CXADR: variants seen among roughly 807,000 people sequenced by gnomAD.
CXADR encodes CXADR cell adhesion molecule, also known as coxsackievirus and adenovirus receptor.
Under a neutral mutation model 40.3 loss-of-function variants are expected in CXADR, and 20 were observed. The ratio of observed to expected loss-of-function variants is 0.50; its 90% CI spans 0.35 to 0.72. The LOEUF is 0.72. Ranked by LOEUF, CXADR falls within the 30% of genes least tolerant of loss-of-function variation. The pLI is 0.01. For synonymous variants in CXADR, 150 were observed against 161.3 expected (o/e 0.93, Z 0.53); for missense variants, 332 against 449.1 (o/e 0.74, Z 2.36).
At chr21:17,526,683 T>G (rs1175073068) in intron 1 of CXADR, among the ~76,000 whole-genome samples, 1 of 152,134 alleles carries the variant, frequency 6.6e-6, no homozygotes, top group Non-Finnish European at 1.5e-5. Context: ...CTTATTGGAG[T>G]TAACTTTTTC....
At chr21:17,602,121 C>T in the CXADR span, among the ~76,000 whole-genome samples, 1 of 151,148 alleles carries the variant, frequency 6.6e-6, no homozygotes, top group African/African-American at 2.4e-5. Flanking sequence ...TAGTATTTAA[C>T]ACTCTATTGG....
intron 3 of CXADR, among the ~76,000 whole-genome samples, chr21:17,557,014 A>G (rs769120210): frequency 2.6e-5 from 4 of 152,248 alleles, no homozygotes; most frequent in Non-Finnish European, 4.4e-5. Flanking sequence ...CAGTGTTCAC[A>G]TGAGTGTTCA....
chr21:17,571,649 C>T (rs1433011046), downstream of CXADR, among the ~76,000 whole-genome samples: 1 of 152,132 alleles, frequency 6.6e-6, no homozygotes, highest in African/African-American at 2.4e-5. Context: ...AAACTAAGCT[C>T]AGTTTTTCTG....
At chr21:17,531,036 A>ACG (rs2060667742) in intron 1 of CXADR, among the ~76,000 whole-genome samples, 2 of 152,256 alleles carry the variant, frequency 1.3e-5, no homozygotes, top group African/African-American at 4.8e-5. Flanking sequence ...GCAGTGGCTC[A>ACG]CGCCTGTAAT....
chr21:17,547,007 T>C lies in CXADR; in HGVS notation c.44-20T>C. The C allele has an allele frequency of 6.2e-7, 1 of 1,611,642 alleles. No individual in the cohort carries two copies. Among genetic ancestry groups the C allele is most frequent in the Non-Finnish European group, 8.5e-7 (1 of 1,179,620 alleles). ...CAGCGTATAGCAAATGCTTAGTCCC[T>C]TGTACATTTCTTTCTCTAGATTTCG... On this transcript the variant is annotated intron_variant, in intron 1 of 6. Transcript: ENST00000284878.
intron 1 of CXADR, among the ~76,000 whole-genome samples, chr21:17,532,804 A>G (rs776608339): frequency 1.4e-4 from 21 of 152,214 alleles, no homozygotes; most frequent in Admixed American, 8.5e-4. Flanking sequence ...TACATGTGTT[A>G]TTTAATTTCT....
intron 1 of CXADR, among the ~76,000 whole-genome samples, chr21:17,530,766 A>G (rs149912111): frequency 5.1e-4 from 77 of 152,074 alleles, no homozygotes; most frequent in African/African-American, 1.8e-3. Context: ...GTGAGCCGAG[A>G]TTGCACTGTT....
At chr21:17,613,517 C>T in the CXADR span, 1 of 152,334 alleles carries the variant, frequency 6.6e-6, no homozygotes, top group African/African-American at 2.4e-5. Context: ...CCTGGCCCCT[C>T]ACAGCAGGGC....
rs917389387 is a variant in CXADR, at chr21:17,567,389, C to T, written c.*1697C>T. ...CCTTATGTAAAATTACTTTTATACTCGTGTTAACATTTTCATCTGTGCCTT... is the reference window on the plus strand; with the variant it reads ...CCTTATGTAAAATTACTTTTATACTTGTGTTAACATTTTCATCTGTGCCTT... On this transcript the variant is annotated 3_prime_UTR_variant, in exon 7 of 7. Transcript: ENST00000284878. The T allele has an allele frequency of 6.4e-5, 63 of 984,588 alleles. No homozygotes were observed. In the African/African-American group the frequency reaches 9.6e-4, roughly 15 times the overall value. The allele number at this position is 984,588 out of a possible 1,614,324, so 61.0% of individuals were successfully genotyped here.
chr21:17,570,918 A>G (rs1183670503), downstream of CXADR, among the ~76,000 whole-genome samples: 1 of 152,188 alleles, frequency 6.6e-6, no homozygotes, highest in Admixed American at 6.5e-5. Flanking sequence ...TTTGGGCTGG[A>G]TAATTCTTTG....
rs6147430 is a variant in CXADR at position 17,565,282 on chromosome 21, GACACACACACACACACACAC to G, written c.834-133_834-114del. On this transcript the variant is annotated intron_variant, in intron 6 of 6. Transcript: ENST00000284878. The stretch of plus-strand genomic sequence containing the variant: ...TGGCTTGTGCTTTTTGCTTTTTTGT[GACACACACACACACACACAC>G]ACACACACACACTTTTATATGTTTA... 6 of 805,070 alleles carry G rather than the reference GACACACACACACACACACAC, an allele frequency of 7.5e-6. No homozygotes were observed. In the East Asian group the frequency reaches 1.1e-4, roughly 15 times the overall value. The allele number at this position is 805,070 out of a possible 1,614,324, so 49.9% of individuals were successfully genotyped here.
intron 7 of CXADR, among the ~76,000 whole-genome samples, chr21:17,575,161 CT>C (rs2061311656): frequency 6.6e-6 from 1 of 151,432 alleles, no homozygotes; most frequent in Admixed American, 6.6e-5. Context: ...GTTGGGAAGG[CT>C]TTTCTGTTTT....
rs2061239260 is a variant in CXADR, at chr21:17,568,287, C to T, written c.*2595C>T. On this transcript the variant is annotated 3_prime_UTR_variant, in exon 7 of 7. Transcript: ENST00000284878. The stretch of plus-strand genomic sequence containing the variant: ...GGGACTACAGGCTCCCATCACCACG[C>T]TCGGCTAAGTTTTTGTAATTTTAGT... 3.8e-6 allele frequency: 3 copies of T among 793,786 alleles called. No homozygotes were observed. Among genetic ancestry groups the T allele is most frequent in the Non-Finnish European group, 4.6e-6 (3 of 655,790 alleles). The allele number at this position is 793,786 out of a possible 1,614,324, so 49.2% of individuals were successfully genotyped here. A position where few individuals can be genotyped will look rare whatever the true frequency, so the allele number is the denominator to read the frequency against.
At chr21:17,608,934 G>A in the CXADR span, 1 of 1,586,936 alleles carries the variant, frequency 6.3e-7, no homozygotes. Flanking sequence ...CACCTCAGGG[G>A]TTGATCAGCC....
the CXADR span, among the ~76,000 whole-genome samples, chr21:17,603,963 C>T: frequency 6.6e-6 from 1 of 152,312 alleles, no homozygotes; most frequent in African/African-American, 2.4e-5. Context: ...CAGAATGTTG[C>T]TTTCGTTTTT....
intron 1 of CXADR, chr21:17,530,396 G>A: frequency 2.2e-6 from 1 of 455,766 alleles, no homozygotes; most frequent in Non-Finnish European, 4.4e-6. Context: ...GATTATTCAT[G>A]TTGTGTAGCT....
chr21:17,622,275 C>T, the CXADR span, among the ~76,000 whole-genome samples: 1 of 152,104 alleles, frequency 6.6e-6, no homozygotes, highest in Non-Finnish European at 1.5e-5. Flanking sequence ...AGCTTGTTCC[C>T]ACCCCACCCC....
At chr21:17,551,419 G>A (rs2060966490) in intron 2 of CXADR, among the ~76,000 whole-genome samples, 1 of 152,038 alleles carries the variant, frequency 6.6e-6, no homozygotes, top group South Asian at 2.1e-4. Flanking sequence ...GAAAAGAAAA[G>A]ACAACGAACA....
At position 17,577,612 on chromosome 21, in the gene CXADR, C is replaced by CTTTTTTTTT. The variant is rs532541050; in HGVS notation, c.1017+12021_1017+12029dup. On this transcript the variant is annotated intron_variant, in intron 7 of 7. Coordinates refer to the CXADR transcript ENST00000400169. ...CTCACACGTCAGACCATTCTGCAAGCTTTTTTTTTTTTTTTTTTTTTTTTT... is the reference window on the plus strand; with the variant it reads ...CTCACACGTCAGACCATTCTGCAAGCTTTTTTTTTTTTTTTTTTTTTTTTTTTTTTTTTT... Among the ~76,000 whole-genome samples the CTTTTTTTTT allele has an allele frequency of 4.1e-3, 149 of 36,576 alleles. 21 individuals are homozygous for CTTTTTTTTT. The highest frequency in any genetic ancestry group is 0.011 in the African/African-American group (132 of 11,876). 24.0% of individuals were successfully genotyped at this position (36,576 alleles called of 152,430 possible). A position where few individuals can be genotyped will look rare whatever the true frequency, so the allele number is the denominator to read the frequency against.
Sources: allele counts gnomAD v4.1 joint callset (sites outside exome capture counted in the v4.1 genomes callset), GRCh38; gene constraint gnomAD v4.1.1; transcripts MANE v1.5; gene names NCBI Gene and HGNC (gene_info 2026-07-23, HGNC 2026-07-21).